The following MYLK variants were observed in gnomAD, a reference collection of about 807,000 sequenced individuals.
MYLK encodes myosin light chain kinase.
MYLK carries 106 observed loss-of-function variants against 203.4 expected under a neutral mutation model. The observed-to-expected ratio is 0.52, with a 90% CI of 0.45 to 0.61. The LOEUF (loss-of-function observed/expected upper bound fraction) is 0.61, where lower values mean the gene tolerates loss of function less well. Among genes scored for constraint, MYLK ranks in the 20% least tolerant of loss-of-function variants. The pLI, the probability that MYLK is intolerant of heterozygous loss-of-function variation, is 0.00. For synonymous variants in MYLK, 867 were observed against 959.5 expected (o/e 0.90, Z 1.78); for missense variants, 2,072 against 2,442.3 (o/e 0.85, Z 3.20).
chr3:123,883,583 G>T (rs1041711825), intron 1 of MYLK, among the ~76,000 whole-genome samples: 2 of 152,162 alleles, frequency 1.3e-5, no homozygotes, highest in Non-Finnish European at 2.9e-5. Flanking sequence ...CTCAACCATT[G>T]ACAACTCACA....
chr3:123,716,535 G>A (rs2061901224), intron 13 of MYLK: 1 of 152,172 alleles, frequency 6.6e-6, no homozygotes, highest in African/African-American at 2.4e-5. Flanking sequence ...GTAATGATAG[G>A]GTTGCTAGCT....
At chr3:123,663,060 T>C (rs145192882) in intron 23 of MYLK, among the ~76,000 whole-genome samples, 445 of 152,308 alleles carry the variant, frequency 2.9e-3, no homozygotes, top group African/African-American at 1.0e-2. Context: ...CACAAATGCA[T>C]GAGGCATAGA....
intron 31 of MYLK, among the ~76,000 whole-genome samples, chr3:123,625,767 A>G (rs1046249256): frequency 6.6e-6 from 1 of 151,072 alleles, no homozygotes; most frequent in Non-Finnish European, 1.5e-5. Flanking sequence ...AGATCGTGCC[A>G]CTGTACTCCA....
chr3:123,657,003 AC>A (rs2059407770), intron 24 of MYLK, 122 bp downstream of exon 24: 1 of 1,125,240 alleles, frequency 8.9e-7, no homozygotes, highest in Non-Finnish European at 1.3e-6. Flanking sequence ...ACCCCAAAAG[AC>A]CCTGCCAGTC....
chr3:123,815,238 G>C (rs1379024410), intron 3 of MYLK, among the ~76,000 whole-genome samples: 2 of 151,964 alleles, frequency 1.3e-5, no homozygotes, highest in African/African-American at 4.8e-5. Flanking sequence ...CTGACTTGTG[G>C]CTCCCCAGTA....
At chr3:123,877,666 G>C (rs2033247342) in intron 1 of MYLK, among the ~76,000 whole-genome samples, 1 of 152,198 alleles carries the variant, frequency 6.6e-6, no homozygotes, top group Non-Finnish European at 1.5e-5. Context: ...ATAGTAATCA[G>C]AGGCAGGTTG....
intron 3 of MYLK, 89 bp from the exon 4 acceptor site, chr3:123,793,933 G>A: frequency 6.7e-7 from 1 of 1,488,728 alleles, no homozygotes; most frequent in South Asian, 1.2e-5. Flanking sequence ...CAGTCTGGAG[G>A]TGTGGCTTTT....
rs1223648925 is a variant in MYLK at position 123,614,034 on chromosome 3, T to TG, written c.*70_*71insC. On this transcript the variant is annotated 3_prime_UTR_variant, in exon 34 of 34. Coordinates refer to ENST00000360304, the MANE Select transcript of MYLK (RefSeq NM_053025.4). ...GGTGCTTTTACTATCTTGAGTTTTT[T>TG]TTTTTTTTTTGAGTTTTAGAGAAAT... 1.7e-5 allele frequency: 27 copies of TG among 1,559,452 alleles called. No individual in the cohort carries two copies. Among genetic ancestry groups the TG allele is most frequent in the Non-Finnish European group, 2.2e-5 (25 of 1,151,634 alleles).
intron 16 of MYLK, among the ~76,000 whole-genome samples, chr3:123,704,555 C>T (rs2061375551): frequency 6.6e-6 from 1 of 152,058 alleles, no homozygotes; most frequent in African/African-American, 2.4e-5. Flanking sequence ...TGGATCCTGT[C>T]CCACCCTGAA....
intron 11 of MYLK, among the ~76,000 whole-genome samples, chr3:123,726,765 C>T (rs2062302530): frequency 1.3e-5 from 2 of 152,176 alleles, no homozygotes; most frequent in Non-Finnish European, 1.5e-5. Context: ...AAGCCTTCTA[C>T]ATCAGTGAAT....
Position 123,719,643 on chromosome 3 carries a change from C to G in MYLK, c.1804+2485G>C, listed in dbSNP as rs4048449. Among the ~76,000 whole-genome samples the G allele has an allele frequency of 2.6e-4, 39 of 152,340 alleles. 3 individuals carry two copies. Among genetic ancestry groups the G allele is most frequent in the African/African-American group, 8.9e-4 (37 of 41,574 alleles). ...GAAGCTGAGGTCTGGAATGCTAAAA[C>G]GCCAGGGTGCAGGGCTAGTAAGTGG... On this transcript the variant is annotated intron_variant, in intron 13 of 33. Transcript: ENST00000360304.
At chr3:123,729,121 C>T (rs2062393573) in intron 11 of MYLK, among the ~76,000 whole-genome samples, 1 of 152,088 alleles carries the variant, frequency 6.6e-6, no homozygotes, top group Admixed American at 6.6e-5. Context: ...TGTAAGAAGG[C>T]CCTCCTGTCT....
chr3:123,775,767 C>T (rs1404239021), intron 4 of MYLK, among the ~76,000 whole-genome samples: 2 of 152,176 alleles, frequency 1.3e-5, no homozygotes, highest in East Asian at 3.8e-4. Context: ...GGAAGAGTCT[C>T]TTAGCTTGAA....
intron 4 of MYLK, among the ~76,000 whole-genome samples, chr3:123,771,731 C>T (rs1357927398): frequency 6.6e-6 from 1 of 152,204 alleles, no homozygotes; most frequent in African/African-American, 2.4e-5. Context: ...CTCCATCAAA[C>T]ATCATAGCTT....
intron 16 of MYLK, among the ~76,000 whole-genome samples, chr3:123,705,696 T>C (rs2061434711): frequency 6.6e-6 from 1 of 152,184 alleles, no homozygotes; most frequent in Non-Finnish European, 1.5e-5. Context: ...CTCTCTGGCC[T>C]GGCAAACTTC....
intron 20 of MYLK, among the ~76,000 whole-genome samples, chr3:123,672,204 G>C (rs2108380988): frequency 2.3e-5 from 1 of 42,658 alleles, no homozygotes; most frequent in Middle Eastern, 0.014. Flanking sequence ...AGGGGCAGGG[G>C]GAGGAGAGAG....
At chr3:123,674,030 T>G (rs2059999060) in intron 20 of MYLK, among the ~76,000 whole-genome samples, 1 of 152,032 alleles carries the variant, frequency 6.6e-6, no homozygotes, top group East Asian at 1.9e-4. Flanking sequence ...TTCTCTTTCC[T>G]CCATTTCCCC....
chr3:123,671,797 G>A (rs2059921314), intron 20 of MYLK, among the ~76,000 whole-genome samples: 1 of 152,120 alleles, frequency 6.6e-6, no homozygotes, highest in African/African-American at 2.4e-5. Flanking sequence ...CTAGAGGGAA[G>A]AGCACGGGGA....
chr3:123,873,222 A>T (rs1467045684), intron 2 of MYLK, among the ~76,000 whole-genome samples: 5 of 152,212 alleles, frequency 3.3e-5, no homozygotes, highest in Non-Finnish European at 7.3e-5. Context: ...ATCCGTAAAA[A>T]GCGCCTGAAC....
Sources: gnomAD v4.1 joint callset for allele counts (sites outside exome capture counted in the v4.1 genomes callset) on GRCh38, gnomAD v4.1.1 for gene constraint, MANE v1.5 for transcripts, NCBI Gene and HGNC (gene_info 2026-07-23, HGNC 2026-07-21) for gene names.